The following ABLIM3 variants were observed in gnomAD, a reference collection of about 807,000 sequenced individuals.
ABLIM3 encodes the protein actin binding LIM protein family member 3, also known as actin-binding LIM protein 3.
In ABLIM3, 61 loss-of-function variants were observed where a neutral mutation model predicts 109.5. The ratio of observed to expected loss-of-function variants is 0.56; its 90% CI spans 0.45 to 0.69. The LOEUF (loss-of-function observed/expected upper bound fraction) is 0.69. Ranked by LOEUF, ABLIM3 falls within the 30% of genes least tolerant of loss-of-function variation. The probability of loss-of-function intolerance (pLI) is 0.00; values close to 1 mark genes in which losing one functional copy is unlikely to be tolerated. For missense variants in ABLIM3, 796 were observed against 889.5 expected, an observed-to-expected ratio of 0.89 and a Z score of 1.34; for synonymous variants, 300 against 324.8, an observed-to-expected ratio of 0.92 and a Z score of 0.82.
intron 2 of ABLIM3, among the ~76,000 whole-genome samples, chr5:149,160,879 C>T (rs1443529086): frequency 6.6e-6 from 1 of 152,198 alleles, no homozygotes; most frequent in Non-Finnish European, 1.5e-5. Context: ...ATCTCCAGGG[C>T]CCTCCTCATC....
intron 9 of ABLIM3, 35 bp from the exon 10 acceptor site, chr5:149,233,194 G>C (rs763740984): frequency 1.9e-6 from 3 of 1,608,900 alleles, no homozygotes; most frequent in Admixed American, 3.3e-5. Context: ...TCAGGTTGCA[G>C]CTTCTCACCT....
intron 2 of ABLIM3, among the ~76,000 whole-genome samples, chr5:149,173,793 G>A (rs867831652): frequency 7.2e-5 from 11 of 152,048 alleles, no homozygotes; most frequent in South Asian, 2.1e-4. Context: ...AGGCCGAGGC[G>A]GGTGGATCAC....
rs10055838 is a variant in ABLIM3, at chr5:149,200,376, G to A, written c.396G>A (p.Thr132=). ...TFSGKECVCQ[T]CSQSMASSKP... Reference sequence around the variant, plus strand: ...GCGGTAAAGAATGTGTGTGCCAAACGTGCTCCCAGTCCATGGCCAGCAGTA... The same window carrying A: ...GCGGTAAAGAATGTGTGTGCCAAACATGCTCCCAGTCCATGGCCAGCAGTA... The change falls in exon 5 of 24, where the codon ACG becomes ACA. Residue 132 remains threonine (T), a synonymous_variant. Transcript: ENST00000309868. 3,064 of 1,614,150 alleles carry A rather than the reference G, an allele frequency of 1.9e-3. 56 individuals are homozygous for A. In the African/African-American group the frequency reaches 0.033, roughly 18 times the overall value.
At position 149,226,936 on chromosome 5, in the gene ABLIM3, A is replaced by G. The variant is rs1000468267; in HGVS notation, c.758-3713A>G. Among the ~76,000 whole-genome samples, 3 of 151,784 alleles carry G rather than the reference A, an allele frequency of 2.0e-5. No homozygotes were observed. The South Asian group carries it at 6.3e-4, about 32-fold the overall frequency. On this transcript the variant is annotated intron_variant, in intron 8 of 23. Transcript: ENST00000309868. Reference sequence around the variant, plus strand: ...AAATACAAAATTAGCCGGGTGTTGTAGTGCATGTCTGTAATCCCAGCTACT... The same window carrying G: ...AAATACAAAATTAGCCGGGTGTTGTGGTGCATGTCTGTAATCCCAGCTACT...
chr5:149,188,648 G>A, intron 3 of ABLIM3, among the ~76,000 whole-genome samples: 1 of 152,204 alleles, frequency 6.6e-6, no homozygotes, highest in East Asian at 1.9e-4. Context: ...ACTCTCTAGT[G>A]TCTGTTGTTT....
chr5:149,244,532 T>C, intron 15 of ABLIM3: 1 of 269,216 alleles, frequency 3.7e-6, no homozygotes, highest in South Asian at 6.8e-5. Flanking sequence ...CCAGTCTTAT[T>C]TGAGGAGCCA....
chr5:149,254,621 G>A (rs539584021), intron 23 of ABLIM3, among the ~76,000 whole-genome samples: 1 of 152,298 alleles, frequency 6.6e-6, no homozygotes, highest in East Asian at 1.9e-4. Flanking sequence ...AGCTCTGTGA[G>A]TTCTTCCAGC....
Position 149,217,037 on chromosome 5 carries a change from T to C in ABLIM3, c.748T>C (p.Tyr250His). The change falls in exon 8 of 24, where the codon TAC becomes CAC. Residue 250 changes from tyrosine (Y) to histidine (H), a missense_variant. Coordinates refer to ENST00000309868, the MANE Select transcript of ABLIM3 (RefSeq NM_014945.5). ...GATGTTCACCGAAGGAGAGGAAATG[T>C]ACCTCACAGGTAAGTAAATCTGACC... is the stretch of plus-strand genomic sequence containing the variant. ...HQMFTEGEEM[Y>H]LTGSEVWHPI... is the part of the protein sequence containing the mutation. 1 of 1,614,166 alleles carries C rather than the reference T, an allele frequency of 6.2e-7. No homozygotes were observed. Among genetic ancestry groups the C allele is most frequent in the Non-Finnish European group, 8.5e-7 (1 of 1,180,004 alleles).
chr5:149,238,609 G>C (rs1309431789), intron 11 of ABLIM3, among the ~76,000 whole-genome samples: 1 of 152,240 alleles, frequency 6.6e-6, no homozygotes, highest in African/African-American at 2.4e-5. Flanking sequence ...ATGCAAACTA[G>C]TTGTCAACAA....
Position 149,237,569 on chromosome 5 carries a change from C to T in ABLIM3, c.1010C>T (p.Ser337Phe), listed in dbSNP as rs1212832046. Residue 337 changes from serine to phenylalanine, a missense_variant, in exon 11 of 24, where the codon TCC (serine) becomes TTC (phenylalanine). Transcript: ENST00000309868. ...ISYEPHSRYM[S>F]DEMLERCGYG... is the part of the protein sequence containing the mutation. Reference sequence around the variant, plus strand: ...TATGAGCCTCATTCCAGATACATGTCCGACGAGATGCTGGAGAGATGTGGC... The same window carrying T: ...TATGAGCCTCATTCCAGATACATGTTCGACGAGATGCTGGAGAGATGTGGC... 6.2e-7 allele frequency: 1 copy of T among 1,614,198 alleles called. No individual in the cohort carries two copies. Among genetic ancestry groups the T allele is most frequent in the Non-Finnish European group, 8.5e-7 (1 of 1,180,040 alleles).
Position 149,200,352 on chromosome 5 carries a change from C to T in ABLIM3, c.372C>T (p.Ser124=), listed in dbSNP as rs562950851. The T allele has an allele frequency of 3.9e-5, 63 of 1,614,204 alleles. No individual in the cohort carries two copies. Among genetic ancestry groups the T allele is most frequent in the East Asian group, 1.3e-4 (6 of 44,884 alleles). Residue 124 remains serine (S), a synonymous_variant, in exon 5 of 24, where the codon AGC becomes AGT. Transcript: ENST00000309868. ...PFPIGDKVTF[S]GKECVCQTCS... The stretch of plus-strand genomic sequence containing the variant: ...CCATTGGAGACAAGGTGACCTTCAG[C>T]GGTAAAGAATGTGTGTGCCAAACGT...
chr5:149,236,805 T>C (rs1385674146), intron 10 of ABLIM3, among the ~76,000 whole-genome samples: 1 of 152,210 alleles, frequency 6.6e-6, no homozygotes, highest in Non-Finnish European at 1.5e-5. Context: ...TTGATTTTTC[T>C]GTGCCTCTGG....
chr5:149,156,615 C>T (rs1753883010), intron 2 of ABLIM3, among the ~76,000 whole-genome samples: 1 of 152,182 alleles, frequency 6.6e-6, no homozygotes, highest in East Asian at 1.9e-4. Flanking sequence ...ATTTAAGGAG[C>T]ACTTATTACA....
At chr5:149,141,771 C>T in intron 1 of ABLIM3, 117 bp downstream of exon 1, 1 of 413,724 alleles carries the variant, frequency 2.4e-6, no homozygotes, top group South Asian at 3.1e-5. Flanking sequence ...CAGGAATAGT[C>T]CGGGGTGCGC....
rs779374635 is a variant in ABLIM3, at chr5:149,237,532, G to C, written c.973G>C (p.Asp325His). ...VKSIYEVQRP[D>H]LISYEPHSRY... is the part of the protein sequence containing the mutation. ...GTCTATCTACGAGGTACAACGCCCC[G>C]ACCTCATTTCCTATGAGCCTCATTC... The change falls in exon 11 of 24, where the codon GAC becomes CAC. Residue 325 changes from aspartate (D) to histidine (H), a missense_variant. Transcript: ENST00000309868. The C allele has an allele frequency of 6.2e-7, 1 of 1,614,112 alleles. No homozygotes were observed. The highest frequency in any genetic ancestry group is 1.7e-5 in the Admixed American group (1 of 60,008).
chr5:149,207,237 T>G, intron 6 of ABLIM3, 103 bp downstream of exon 6: 1 of 1,477,790 alleles, frequency 6.8e-7, no homozygotes, highest in South Asian at 1.3e-5. Flanking sequence ...TCCCTTCCTT[T>G]CCGTCTGCTG....
At chr5:149,248,884 ACACACACACACACACT>A (rs1753666388) in intron 18 of ABLIM3, among the ~76,000 whole-genome samples, 1 of 114,296 alleles carries the variant, frequency 8.7e-6, no homozygotes, top group African/African-American at 2.8e-5. Flanking sequence ...ACACACACAC[ACACACACACACACACT>A]CTGTCTGCCT....
intron 2 of ABLIM3, among the ~76,000 whole-genome samples, chr5:149,162,885 G>C (rs563432475): frequency 2.6e-5 from 4 of 152,326 alleles, no homozygotes; most frequent in Admixed American, 6.5e-5. Flanking sequence ...TTTCTAGGAC[G>C]CGTAACCCAG....
At chr5:149,215,855 C>T (rs1436355210) in intron 7 of ABLIM3, among the ~76,000 whole-genome samples, 2 of 152,166 alleles carry the variant, frequency 1.3e-5, no homozygotes, top group Admixed American at 1.3e-4. Flanking sequence ...AATTGTGACT[C>T]CAGAAGCAAG....
Sources: gnomAD v4.1 joint callset for allele counts (sites outside exome capture counted in the v4.1 genomes callset) on GRCh38, gnomAD v4.1.1 for gene constraint, MANE v1.5 for transcripts, NCBI Gene and HGNC (gene_info 2026-07-23, HGNC 2026-07-21) for gene names.